Variants in CAPN13 observed in about 807,000 individuals in gnomAD.
The protein encoded by CAPN13 is calpain-13.
Under a neutral mutation model 98.4 loss-of-function variants are expected in CAPN13, and 90 were observed. The observed-to-expected ratio is 0.92, with a 90% CI of 0.77 to 1.09. CAPN13 has a LOEUF of 1.09. Among genes scored for constraint, CAPN13 ranks in the 50% least tolerant of loss-of-function variants. The pLI, the probability that CAPN13 is intolerant of heterozygous loss-of-function variation, is 0.00. For synonymous variants in CAPN13, 330 were observed against 305.5 expected (o/e 1.08, Z -0.84); for missense variants, 887 against 841.3 (o/e 1.05, Z -0.67).
intron 8 of CAPN13, among the ~76,000 whole-genome samples, chr2:30,756,145 G>A (rs775812465): frequency 2.0e-5 from 3 of 151,898 alleles, no homozygotes; most frequent in Non-Finnish European, 4.4e-5. Flanking sequence ...AAACATCACG[G>A]CCATGTTCAA....
At chr2:30,782,639 C>A (rs1038944222) in intron 2 of CAPN13, among the ~76,000 whole-genome samples, 1 of 152,228 alleles carries the variant, frequency 6.6e-6, no homozygotes, top group African/African-American at 2.4e-5. Context: ...ATAGGCAGTG[C>A]CTCCCTCTAG....
At chr2:30,795,745 T>C (rs1231622594) in intron 1 of CAPN13, among the ~76,000 whole-genome samples, 2 of 152,150 alleles carry the variant, frequency 1.3e-5, no homozygotes, top group African/African-American at 4.8e-5. Context: ...TGAACATCAA[T>C]ATTCTTTACA....
intron 3 of CAPN13, 48 bp from the exon 4 acceptor site, chr2:30,776,093 A>T (rs1673676274): frequency 8.0e-7 from 1 of 1,248,862 alleles, no homozygotes; most frequent in African/African-American, 1.5e-5. Context: ...ACACTTGGAA[A>T]CCCTCCCCCA....
intron 20 of CAPN13, 85 bp downstream of exon 20, chr2:30,732,352 CT>C: frequency 2.6e-6 from 4 of 1,560,210 alleles, no homozygotes; most frequent in Non-Finnish European, 3.5e-6. Context: ...TCACGCAGAC[CT>C]GGGGTGGGGT....
intron 1 of CAPN13, among the ~76,000 whole-genome samples, chr2:30,794,461 G>A (rs964967822): frequency 6.6e-6 from 1 of 151,866 alleles, no homozygotes; most frequent in African/African-American, 2.4e-5. Flanking sequence ...ATGTAAATTG[G>A]TATGACTACA....
At chr2:30,779,024 T>C (rs1489560990) in intron 2 of CAPN13, among the ~76,000 whole-genome samples, 1 of 152,226 alleles carries the variant, frequency 6.6e-6, no homozygotes, top group Admixed American at 6.5e-5. Flanking sequence ...CTCCTCTCTC[T>C]ACTGGAAAAG....
chr2:30,743,324 A>G (rs1671748119), intron 13 of CAPN13, 59 bp downstream of exon 13: 2 of 1,444,284 alleles, frequency 1.4e-6, no homozygotes, highest in East Asian at 4.5e-5. Context: ...ATAATTACAC[A>G]ATGTGTTTTT....
intron 1 of CAPN13, among the ~76,000 whole-genome samples, chr2:30,804,587 G>C (rs970027108): frequency 6.6e-6 from 1 of 152,184 alleles, no homozygotes; most frequent in African/African-American, 2.4e-5. Context: ...TTTATATCAA[G>C]GAGCCCCCAG....
chr2:30,774,532 A>G (rs1295615108), intron 4 of CAPN13, among the ~76,000 whole-genome samples: 1 of 152,206 alleles, frequency 6.6e-6, no homozygotes, highest in African/African-American at 2.4e-5. Context: ...TCATATAAGC[A>G]ACTCAGTGGC....
chr2:30,736,075 C>T (rs1671349974), intron 18 of CAPN13, among the ~76,000 whole-genome samples: 1 of 152,138 alleles, frequency 6.6e-6, no homozygotes, highest in African/African-American at 2.4e-5. Context: ...GTCTTGCGTG[C>T]CACTCTGAGG....
intron 22 of CAPN13, among the ~76,000 whole-genome samples, 175 bp downstream of exon 22, chr2:30,730,555 C>T (rs1192056065): frequency 2.0e-5 from 3 of 152,178 alleles, no homozygotes; most frequent in African/African-American, 7.2e-5. Flanking sequence ...ATGAAATCTG[C>T]AGCATTGGCC....
At chr2:30,774,564 G>GA (rs1346929264) in intron 4 of CAPN13, among the ~76,000 whole-genome samples, 2 of 152,152 alleles carry the variant, frequency 1.3e-5, no homozygotes, top group Non-Finnish European at 2.9e-5. Context: ...AAATACCGAA[G>GA]AAACAGTTGA....
rs552712960 is a variant in CAPN13 at position 30,742,786 on chromosome 2, G to A, written c.1446-427C>T. Among the ~76,000 whole-genome samples the A allele has an allele frequency of 1.6e-4, 25 of 152,294 alleles. No individual in the cohort carries two copies. The South Asian group carries it at 5.2e-3, about 32-fold the overall frequency. On this transcript the variant is annotated intron_variant, in intron 13 of 22. Coordinates refer to ENST00000295055, the MANE Select transcript of CAPN13 (RefSeq NM_144575.3). Reference sequence around the variant, plus strand: ...AAGAGGAGACAAGGGGCCCAGTGGGGTGAGCACTTGCTGGTCCCAGTCTTG... The same window carrying A: ...AAGAGGAGACAAGGGGCCCAGTGGGATGAGCACTTGCTGGTCCCAGTCTTG...
intron 1 of CAPN13, among the ~76,000 whole-genome samples, chr2:30,792,841 TA>T (rs1390030285): frequency 3.3e-5 from 5 of 151,316 alleles, no homozygotes; most frequent in Non-Finnish European, 7.4e-5. Context: ...TCCAATAATG[TA>T]AAAAAAAGAA....
rs1572829735 is a variant in CAPN13 at position 30,758,812 on chromosome 2, CCT to C, written c.775-677_775-676del. Among the ~76,000 whole-genome samples the C allele has an allele frequency of 3.1e-5, 3 of 95,804 alleles. No individual in the cohort carries two copies. The East Asian group carries it at 1.4e-3, about 46-fold the overall frequency. The allele number at this position is 95,804 out of a possible 152,430, so 62.9% of individuals were successfully genotyped here. A position where few individuals can be genotyped will look rare whatever the true frequency, so the allele number is the denominator to read the frequency against. On this transcript the variant is annotated intron_variant, in intron 7 of 22. Transcript: ENST00000295055. ...TTTCCTTTCCTTCCTCCCTCCCTTCCCTTCCTCCCTTCCTTCCTCCCTTCCTT... is the reference window on the plus strand; with the variant it reads ...TTTCCTTTCCTTCCTCCCTCCCTTCCTCCTCCCTTCCTTCCTCCCTTCCTT...
chr2:30,775,698 C>A (rs1673651081), intron 4 of CAPN13, among the ~76,000 whole-genome samples: 1 of 152,172 alleles, frequency 6.6e-6, no homozygotes, highest in Admixed American at 6.5e-5. Flanking sequence ...TGACTCTTTG[C>A]TAATCATTTC....
chr2:30,739,348 T>C (rs1651770345), intron 15 of CAPN13, among the ~76,000 whole-genome samples: 1 of 152,048 alleles, frequency 6.6e-6, no homozygotes, highest in South Asian at 2.1e-4. Flanking sequence ...ATAGGGTGCC[T>C]CCTGGGGGTC....
At chr2:30,765,815 AG>A (rs562883484) in intron 5 of CAPN13, among the ~76,000 whole-genome samples, 5 of 152,272 alleles carry the variant, frequency 3.3e-5, no homozygotes, top group South Asian at 2.1e-4. Context: ...GAGGATTCCC[AG>A]AACGAAGGGG....
chr2:30,796,239 TGC>T (rs1431300717), intron 1 of CAPN13, among the ~76,000 whole-genome samples: 1 of 145,136 alleles, frequency 6.9e-6, no homozygotes, highest in Non-Finnish European at 1.5e-5. Context: ...TATATATGTG[TGC>T]ATATATATAT....
Sources: allele counts gnomAD v4.1 joint callset (sites outside exome capture counted in the v4.1 genomes callset), GRCh38; gene constraint gnomAD v4.1.1; transcripts MANE v1.5; gene names NCBI Gene and HGNC (gene_info 2026-07-23, HGNC 2026-07-21).